DCAF6: variants seen among roughly 807,000 people sequenced by gnomAD.
DCAF6 encodes DDB1 and CUL4 associated factor 6.
A neutral mutation model predicts 125.1 loss-of-function variants in DCAF6; 54 were observed. The observed-to-expected ratio is 0.43, with a 90% CI of 0.35 to 0.54. DCAF6 has a LOEUF of 0.54. Ranked by LOEUF, DCAF6 falls within the 20% of genes least tolerant of loss-of-function variation. The probability of loss-of-function intolerance (pLI) is 0.01; values close to 1 mark genes in which losing one functional copy is unlikely to be tolerated. For missense variants in DCAF6, 934 were observed against 1,161.7 expected, an observed-to-expected ratio of 0.80 and a Z score of 2.85; for synonymous variants, 371 against 390.4, an observed-to-expected ratio of 0.95 and a Z score of 0.58.
At chr1:167,982,215 G>T (rs1293455516) in intron 4 of DCAF6, among the ~76,000 whole-genome samples, 3 of 151,950 alleles carry the variant, frequency 2.0e-5, no homozygotes, top group Non-Finnish European at 4.4e-5. Flanking sequence ...TTTTAAGGGG[G>T]TTATTTGGTT....
At chr1:167,879,256 T>C in the DCAF6 span, among the ~76,000 whole-genome samples, 21 of 152,278 alleles carry the variant, frequency 1.4e-4, no homozygotes, top group African/African-American at 5.1e-4. Context: ...GGGATGATAA[T>C]AGTAACTCTC....
chr1:167,886,209 T>C, the DCAF6 span, among the ~76,000 whole-genome samples: 1 of 152,138 alleles, frequency 6.6e-6, no homozygotes, highest in Non-Finnish European at 1.5e-5. Context: ...TTAAAGTTCA[T>C]ATGGAACCAA....
chr1:168,037,570 T>C (rs1687998103), intron 12 of DCAF6, among the ~76,000 whole-genome samples: 1 of 150,938 alleles, frequency 6.6e-6, no homozygotes, highest in Admixed American at 6.6e-5. Flanking sequence ...CCATGTACTC[T>C]TTTTTTTTGG....
At chr1:168,017,352 A>G (rs988072767) in intron 11 of DCAF6, among the ~76,000 whole-genome samples, 1 of 152,076 alleles carries the variant, frequency 6.6e-6, no homozygotes, top group Non-Finnish European at 1.5e-5. Context: ...TTAAAATACT[A>G]AAATTTAGCA....
chr1:168,006,981 CTG>C (rs1683419245), intron 10 of DCAF6, among the ~76,000 whole-genome samples: 1 of 152,218 alleles, frequency 6.6e-6, no homozygotes, highest in South Asian at 2.1e-4. Context: ...GTGCTCAACA[CTG>C]TGCATCAGAG....
At chr1:168,061,109 T>C (rs1019278066) in intron 17 of DCAF6, among the ~76,000 whole-genome samples, 2 of 152,228 alleles carry the variant, frequency 1.3e-5, no homozygotes, top group African/African-American at 4.8e-5. Flanking sequence ...GTCTCTTAAG[T>C]ATGTCTCTTT....
At chr1:167,920,038 C>A in the DCAF6 span, 1 of 1,613,424 alleles carries the variant, frequency 6.2e-7, no homozygotes, top group Non-Finnish European at 8.5e-7. Context: ...TAACAGCAAA[C>A]AGACTCCAAT....
the DCAF6 span, among the ~76,000 whole-genome samples, chr1:167,928,833 C>T: frequency 2.0e-5 from 3 of 152,272 alleles, no homozygotes; most frequent in East Asian, 5.8e-4. Context: ...AATGAAATAA[C>T]TTGATTAGGT....
chr1:167,887,604 T>G, the DCAF6 span, among the ~76,000 whole-genome samples: 1 of 151,882 alleles, frequency 6.6e-6, no homozygotes, highest in African/African-American at 2.4e-5. Flanking sequence ...AAAAGATGAG[T>G]TAATGGGTGC....
chr1:167,871,972 T>A, the DCAF6 span, among the ~76,000 whole-genome samples: 3 of 152,220 alleles, frequency 2.0e-5, no homozygotes, highest in East Asian at 5.8e-4. Context: ...TATACATATG[T>A]AACAAACCTG....
chr1:167,970,294 G>GA (rs1677108010), intron 3 of DCAF6, among the ~76,000 whole-genome samples: 1 of 151,980 alleles, frequency 6.6e-6, no homozygotes, highest in South Asian at 2.1e-4. Context: ...ATGTATATTT[G>GA]AAAAAATGAT....
the DCAF6 span, among the ~76,000 whole-genome samples, chr1:167,892,360 T>C: frequency 6.6e-6 from 1 of 152,200 alleles, no homozygotes; most frequent in Non-Finnish European, 1.5e-5. Context: ...TACGGTATCT[T>C]TAAGGACTTC....
chr1:168,004,170 G>A (rs1437329294), intron 9 of DCAF6, among the ~76,000 whole-genome samples, 181 bp downstream of exon 9: 1 of 152,088 alleles, frequency 6.6e-6, no homozygotes, highest in Non-Finnish European at 1.5e-5. Flanking sequence ...GTCCCTTCTG[G>A]TGCCATTGGA....
intron 12 of DCAF6, among the ~76,000 whole-genome samples, chr1:168,035,457 CAA>C (rs1303059419): frequency 6.6e-6 from 1 of 152,104 alleles, no homozygotes; most frequent in Middle Eastern, 3.2e-3. Context: ...AAAACAAAAA[CAA>C]AAACAAAACA....
intron 12 of DCAF6, among the ~76,000 whole-genome samples, chr1:168,032,291 A>ATT (rs1254303304): frequency 6.6e-6 from 1 of 152,232 alleles, no homozygotes; most frequent in Non-Finnish European, 1.5e-5. Context: ...GTTGCCTCAC[A>ATT]GTTATCTGTA....
intron 9 of DCAF6, 110 bp downstream of exon 9, chr1:168,004,099 T>C: frequency 7.7e-7 from 1 of 1,295,886 alleles, no homozygotes. Context: ...TCTGTAATAA[T>C]CACAAGGTTC....
chr1:168,028,392 A>G lies in DCAF6; in HGVS notation c.1609+5345A>G, dbSNP rs1362571471. 3.3e-5 allele frequency among the ~76,000 whole-genome samples: 5 copies of G among 152,184 alleles called. No individual in the cohort carries two copies. The East Asian group carries it at 7.7e-4, about 23-fold the overall frequency. On this transcript the variant is annotated intron_variant, in intron 12 of 21. Transcript: ENST00000367840. ...TTTGTCTGAGTTTTAGGTTTTGGCC[A>G]TGATTGAAACAAGTTGCTTTCTATT...
chr1:168,069,746 CA>C (rs1016575680), intron 21 of DCAF6, among the ~76,000 whole-genome samples: 3 of 152,020 alleles, frequency 2.0e-5, no homozygotes, highest in African/African-American at 7.2e-5. Flanking sequence ...AAAACAACAA[CA>C]AAAAATAAAC....
At chr1:167,925,444 T>C in the DCAF6 span, among the ~76,000 whole-genome samples, 2,257 of 71,608 alleles carry the variant, frequency 0.032, 65 homozygotes, top group African/African-American at 0.09. Context: ...CATATACACA[T>C]ATATATATAT....
Sources: allele counts gnomAD v4.1 joint callset (sites outside exome capture counted in the v4.1 genomes callset), GRCh38; gene constraint gnomAD v4.1.1; transcripts MANE v1.5; gene names NCBI Gene and HGNC (gene_info 2026-07-23, HGNC 2026-07-21).